SCFD2: variants seen among roughly 807,000 people sequenced by gnomAD.
SCFD2 encodes sec1 family domain containing 2.
Under a neutral mutation model 58.9 loss-of-function variants are expected in SCFD2, and 54 were observed. The observed-to-expected ratio is 0.92, with a 90% CI of 0.74 to 1.15. SCFD2 has a LOEUF of 1.15. SCFD2 is among the 50% of genes most tolerant of loss of function. The pLI, the probability that SCFD2 is intolerant of heterozygous loss-of-function variation, is 0.00. For missense variants in SCFD2, 805 were observed against 836.6 expected, an observed-to-expected ratio of 0.96 and a Z score of 0.47; for synonymous variants, 321 against 335.9, an observed-to-expected ratio of 0.96 and a Z score of 0.49.
chr4:53,181,685 G>A (rs1464331822), intron 4 of SCFD2, among the ~76,000 whole-genome samples: 1 of 152,152 alleles, frequency 6.6e-6, no homozygotes, highest in African/African-American at 2.4e-5. Context: ...GAAATAAAGG[G>A]TATTCAATTA....
chr4:53,348,381 T>C (rs2149158974), intron 2 of SCFD2, among the ~76,000 whole-genome samples: 1 of 152,350 alleles, frequency 6.6e-6, no homozygotes, highest in Non-Finnish European at 1.5e-5. Context: ...TCTCATTTCA[T>C]TGAGAAGTTT....
chr4:52,964,689 GACACACACAC>G (rs148501809), intron 5 of SCFD2, among the ~76,000 whole-genome samples: 1 of 149,208 alleles, frequency 6.7e-6, no homozygotes, highest in Non-Finnish European at 1.5e-5. Context: ...AAATGTGAGG[GACACACACAC>G]ACACACACAC....
At chr4:52,890,189 G>A (rs962231758) in intron 7 of SCFD2, among the ~76,000 whole-genome samples, 5 of 152,260 alleles carry the variant, frequency 3.3e-5, no homozygotes, top group Admixed American at 2.6e-4. Context: ...CTTGAACGTG[G>A]TGCAATATGT....
chr4:53,173,672 T>C (rs1187986080), intron 4 of SCFD2, among the ~76,000 whole-genome samples: 1 of 152,196 alleles, frequency 6.6e-6, no homozygotes, highest in Admixed American at 6.5e-5. Context: ...TCTTCTCCTG[T>C]TCCTGTCTTC....
chr4:53,340,001 G>A (rs978003791), intron 2 of SCFD2, among the ~76,000 whole-genome samples: 9 of 152,090 alleles, frequency 5.9e-5, no homozygotes, highest in Admixed American at 3.3e-4. Context: ...CAAGATGACC[G>A]AATAGGAACA....
intron 5 of SCFD2, chr4:52,948,443 C>T (rs1223799032): frequency 2.2e-6 from 1 of 451,542 alleles, no homozygotes; most frequent in Non-Finnish European, 4.5e-6. Context: ...AACTCTCAGC[C>T]TCAGTTTCTG....
intron 4 of SCFD2, among the ~76,000 whole-genome samples, chr4:53,176,587 G>A (rs1471043416): frequency 6.6e-6 from 1 of 152,198 alleles, no homozygotes; most frequent in Non-Finnish European, 1.5e-5. Context: ...TGGCAGCTGA[G>A]AGAAAAAGCC....
rs552617809 is a variant in SCFD2 at position 53,203,536 on chromosome 4, TG to T, written c.1312-57955del. On this transcript the variant is annotated intron_variant, in intron 4 of 8. Coordinates refer to ENST00000401642, the MANE Select transcript of SCFD2 (RefSeq NM_152540.4). ...AAAGAAAAACAAAAAAAAGTTTTGTTGTTTTTTTATACATTAATAAACCCAC... is the reference window on the plus strand; with the variant it reads ...AAAGAAAAACAAAAAAAAGTTTTGTTTTTTTTTATACATTAATAAACCCAC... Among the ~76,000 whole-genome samples the T allele has an allele frequency of 1.3e-3, 197 of 152,226 alleles. 2 individuals are homozygous for T. The highest frequency in any genetic ancestry group is 2.2e-3 in the Admixed American group (34 of 15,294).
At chr4:53,190,714 C>T (rs758427939) in intron 4 of SCFD2, among the ~76,000 whole-genome samples, 1 of 151,948 alleles carries the variant, frequency 6.6e-6, no homozygotes. Context: ...ATCCTCAATG[C>T]CAAGGAAATA....
At chr4:53,226,308 G>T (rs1729213401) in intron 4 of SCFD2, among the ~76,000 whole-genome samples, 1 of 151,890 alleles carries the variant, frequency 6.6e-6, no homozygotes, top group Non-Finnish European at 1.5e-5. Context: ...TTTTATGGGG[G>T]GGAGGGGACT....
chr4:52,901,494 G>C (rs1719198456), intron 7 of SCFD2, among the ~76,000 whole-genome samples: 1 of 152,162 alleles, frequency 6.6e-6, no homozygotes, highest in Non-Finnish European at 1.5e-5. Flanking sequence ...CTGCCATATT[G>C]CAAGAAAGCT....
At chr4:53,043,186 A>C (rs1722941920) in intron 5 of SCFD2, among the ~76,000 whole-genome samples, 1 of 152,190 alleles carries the variant, frequency 6.6e-6, no homozygotes, top group Non-Finnish European at 1.5e-5. Flanking sequence ...TCAGCTTCAC[A>C]ATGCTGAAGG....
At chr4:53,044,916 C>CCCCGCCG (rs59844812) in intron 5 of SCFD2, among the ~76,000 whole-genome samples, 1 of 110,288 alleles carries the variant, frequency 9.1e-6, no homozygotes, top group African/African-American at 5.9e-5. Context: ...ACCCCCCCCC[C>CCCCGCCG]CCGCCCACAA....
intron 7 of SCFD2, among the ~76,000 whole-genome samples, chr4:52,901,275 A>G (rs752546771): frequency 1.5e-4 from 23 of 152,280 alleles, no homozygotes; most frequent in East Asian, 1.9e-4. Context: ...CTATTTGGCC[A>G]TCTTGGCTCC....
intron 2 of SCFD2, among the ~76,000 whole-genome samples, chr4:53,339,581 C>A (rs1458672236): frequency 6.6e-6 from 1 of 151,964 alleles, no homozygotes; most frequent in Non-Finnish European, 1.5e-5. Flanking sequence ...AGCAGCCTGG[C>A]CAACATGGTG....
chr4:53,311,340 G>T (rs1272308774), intron 3 of SCFD2, among the ~76,000 whole-genome samples: 14 of 152,036 alleles, frequency 9.2e-5, no homozygotes, highest in Non-Finnish European at 1.0e-4. Context: ...TAGAGTTGTG[G>T]AATAAAGCAA....
At chr4:53,139,095 T>A (rs1250903114) in intron 5 of SCFD2, among the ~76,000 whole-genome samples, 2 of 152,170 alleles carry the variant, frequency 1.3e-5, no homozygotes, top group African/African-American at 2.4e-5. Context: ...GGTCTCCAGC[T>A]CCTGACCGCA....
chr4:52,966,283 G>GTGTGTTT (rs1319203142), intron 5 of SCFD2, among the ~76,000 whole-genome samples: 4 of 152,178 alleles, frequency 2.6e-5, no homozygotes, highest in Non-Finnish European at 5.9e-5. Context: ...CTGATTATAC[G>GTGTGTTT]TGTGTTTTTT....
intron 4 of SCFD2, among the ~76,000 whole-genome samples, chr4:53,203,215 T>C (rs1190894549): frequency 1.3e-5 from 2 of 152,190 alleles, no homozygotes; most frequent in African/African-American, 4.8e-5. Context: ...ATACCTAATT[T>C]ATTGAGAGAT....
Sources: gnomAD v4.1 joint callset for allele counts (sites outside exome capture counted in the v4.1 genomes callset) on GRCh38, gnomAD v4.1.1 for gene constraint, MANE v1.5 for transcripts, NCBI Gene and HGNC (gene_info 2026-07-23, HGNC 2026-07-21) for gene names.